Variants in MCM9 observed in about 807,000 individuals in gnomAD.
The protein encoded by MCM9 is DNA helicase MCM9.
A neutral mutation model predicts 72.8 loss-of-function variants in MCM9; 55 were observed. The observed-to-expected ratio is 0.76, with a 90% CI of 0.61 to 0.95. The LOEUF (loss-of-function observed/expected upper bound fraction) is 0.95. MCM9 is among the 40% of genes least tolerant of loss of function. The probability of loss-of-function intolerance (pLI) is 0.00; values close to 1 mark genes in which losing one functional copy is unlikely to be tolerated. For missense variants in MCM9, 1,279 were observed against 1,377.0 expected (o/e 0.93, Z 1.13); for synonymous variants, 480 against 503.4 (o/e 0.95, Z 0.62).
At chr6:118,904,361 C>T (rs574896839) in intron 8 of MCM9, among the ~76,000 whole-genome samples, 1 of 152,312 alleles carries the variant, frequency 6.6e-6, no homozygotes, top group South Asian at 2.1e-4. Flanking sequence ...CAACAGTCTT[C>T]AATTTTCACA....
At chr6:118,888,498 C>A (rs924941269) in intron 8 of MCM9, among the ~76,000 whole-genome samples, 3 of 152,064 alleles carry the variant, frequency 2.0e-5, no homozygotes, top group Non-Finnish European at 2.9e-5. Context: ...AACAAACAGA[C>A]AAACAAACAG....
chr6:118,883,245 A>C (rs1056983880), intron 8 of MCM9, among the ~76,000 whole-genome samples: 7 of 152,234 alleles, frequency 4.6e-5, no homozygotes, highest in African/African-American at 1.7e-4. Flanking sequence ...CAGAAGAAAA[A>C]GTCAGCAAAC....
intron 13 of MCM9, among the ~76,000 whole-genome samples, chr6:118,825,879 G>A (rs560040729): frequency 6.6e-6 from 1 of 152,102 alleles, no homozygotes; most frequent in Non-Finnish European, 1.5e-5. Context: ...TATCCCCACC[G>A]AGCCTGCCTG....
chr6:118,827,876 T>G, intron 11 of MCM9, 51 bp downstream of exon 11: 1 of 1,518,046 alleles, frequency 6.6e-7, no homozygotes. Context: ...GCCCCATGCC[T>G]TGCACACACG....
intron 8 of MCM9, among the ~76,000 whole-genome samples, chr6:118,862,240 A>G (rs895230801): frequency 6.6e-6 from 1 of 152,150 alleles, no homozygotes; most frequent in Non-Finnish European, 1.5e-5. Context: ...GGGTGGCTGT[A>G]GCTTCACCTG....
At chr6:118,818,488 A>G (rs868718911) in intron 13 of MCM9, among the ~76,000 whole-genome samples, 46 of 152,164 alleles carry the variant, frequency 3.0e-4, no homozygotes, top group African/African-American at 9.6e-4. Context: ...ATTGGTCTAT[A>G]TATCTGTTTT....
At chr6:118,880,402 A>G (rs755563930) in intron 8 of MCM9, among the ~76,000 whole-genome samples, 1 of 152,244 alleles carries the variant, frequency 6.6e-6, no homozygotes, top group Non-Finnish European at 1.5e-5. Flanking sequence ...TTGTCAGGAT[A>G]GTATAAAAAG....
At chr6:118,912,899 T>A (rs752769799) in intron 7 of MCM9, 18 of 162,876 alleles carry the variant, frequency 1.1e-4, no homozygotes, top group Middle Eastern at 6.4e-3. Flanking sequence ...AAAGCAGCAG[T>A]CTAAGAGAAA....
rs1491470569 is a variant in MCM9 at position 118,843,668 on chromosome 6, A to ATGTGTATATATATACG, written c.1325+12702_1325+12703insCGTATATATATACACA. ...TATATATATATATGTGTATATATATATGTATGTATATATATATGTGTATAT... is the reference window on the plus strand; with the variant it reads ...TATATATATATATGTGTATATATATATGTGTATATATATACGTGTATGTATATATATATGTGTATAT... On this transcript the variant is annotated intron_variant, in intron 9 of 13. Transcript: ENST00000619706. Among the ~76,000 whole-genome samples the ATGTGTATATATATACG allele has an allele frequency of 3.3e-3, 181 of 55,408 alleles. 7 individuals are homozygous for ATGTGTATATATATACG. The highest frequency in any genetic ancestry group is 0.013 in the African/African-American group (171 of 13,614). 36.3% of individuals were successfully genotyped at this position (55,408 alleles called of 152,430 possible). A position where few individuals can be genotyped will look rare whatever the true frequency, so the allele number is the denominator to read the frequency against.
chr6:118,912,813 A>T (rs1396957699), intron 7 of MCM9: 1 of 154,824 alleles, frequency 6.5e-6, no homozygotes. Context: ...TGAAGGTGTG[A>T]CCTGCAGCAG....
chr6:118,919,399 T>G lies in MCM9; in HGVS notation c.704-1638A>C, dbSNP rs911097850. ...GAACTACAAAATGTGAATGATTATA[T>G]TTACATCACAGTACTATAATGAGAA... On this transcript the variant is annotated intron_variant, in intron 5 of 13. Coordinates refer to ENST00000619706, the MANE Select transcript of MCM9 (RefSeq NM_017696.3). 3 of 152,192 alleles carry G rather than the reference T, an allele frequency of 2.0e-5. No homozygotes were observed. The South Asian group carries it at 6.2e-4, about 32-fold the overall frequency. The allele number at this position is 152,192 out of a possible 1,614,324, so 9.4% of individuals were successfully genotyped here. A position where few individuals can be genotyped will look rare whatever the true frequency, so the allele number is the denominator to read the frequency against.
chr6:118,932,173 C>T (rs1436221895), intron 2 of MCM9, among the ~76,000 whole-genome samples: 2 of 152,124 alleles, frequency 1.3e-5, no homozygotes, highest in Non-Finnish European at 2.9e-5. Context: ...ACAACAACTG[C>T]GAACAGTATT....
chr6:118,856,254 T>C (rs1383545252), intron 9 of MCM9, 117 bp downstream of exon 9: 3 of 960,440 alleles, frequency 3.1e-6, no homozygotes, highest in East Asian at 2.7e-5. Context: ...TGAAGGGTGG[T>C]AACTGATCAT....
intron 8 of MCM9, among the ~76,000 whole-genome samples, chr6:118,857,126 G>A (rs1468452162): frequency 6.6e-6 from 1 of 152,130 alleles, no homozygotes; most frequent in Non-Finnish European, 1.5e-5. Flanking sequence ...TAGGTCCTCT[G>A]GTCGAGTGGT....
At chr6:118,827,899 C>T in intron 11 of MCM9, 28 bp downstream of exon 11, 5 of 1,546,876 alleles carry the variant, frequency 3.2e-6, no homozygotes, top group South Asian at 1.2e-5. Context: ...GCATTCAATA[C>T]AAGCATCATT....
intron 8 of MCM9, chr6:118,894,506 C>G: frequency 6.5e-7 from 1 of 1,537,108 alleles, no homozygotes; most frequent in Non-Finnish European, 8.7e-7. Flanking sequence ...TCGAGTGCAT[C>G]GAGGACCTGT....
chr6:118,815,158 CAAGT>C lies in MCM9; in HGVS notation c.3094_3097del (p.Thr1032ValfsTer23), dbSNP rs778822529. ...AACCTCTTCCTTTTTGTCTCCCTCA[CAAGT>C]AAGATGAGCACACCCAGTCTCGTTC... On this transcript the variant is annotated frameshift_variant, in exon 14 of 14. Coordinates refer to ENST00000619706, the MANE Select transcript of MCM9 (RefSeq NM_017696.3). LOFTEE classifies it low-confidence loss of function (END_TRUNC). 8 of 1,550,532 alleles carry C rather than the reference CAAGT, an allele frequency of 5.2e-6. No homozygotes were observed. In the South Asian group the frequency reaches 9.5e-5, roughly 18 times the overall value.
intron 9 of MCM9, among the ~76,000 whole-genome samples, chr6:118,835,436 T>C (rs568551602): frequency 8.7e-4 from 132 of 152,366 alleles, no homozygotes; most frequent in African/African-American, 3.1e-3. Context: ...TAAATTACTT[T>C]GAGCAGTATG....
intron 5 of MCM9, chr6:118,919,416 T>C (rs1303256249): frequency 6.6e-6 from 1 of 152,206 alleles, no homozygotes; most frequent in Admixed American, 6.5e-5. Context: ...CACAGTACTA[T>C]AATGAGAATT....
Sources: gnomAD v4.1 joint callset for allele counts (sites outside exome capture counted in the v4.1 genomes callset) on GRCh38, gnomAD v4.1.1 for gene constraint, MANE v1.5 for transcripts, NCBI Gene and HGNC (gene_info 2026-07-23, HGNC 2026-07-21) for gene names.